TRAPPC9: variants seen among roughly 807,000 people sequenced by gnomAD.
The protein encoded by TRAPPC9 is IKK2 binding protein.
A neutral mutation model predicts 124.0 loss-of-function variants in TRAPPC9; 83 were observed. The observed-to-expected ratio is 0.67, with a 90% confidence interval of 0.56 to 0.80. The LOEUF is 0.80. Among genes scored for constraint, TRAPPC9 ranks in the 30% least tolerant of loss-of-function variants. The pLI, the probability that TRAPPC9 is intolerant of heterozygous loss-of-function variation, is 0.00. For synonymous variants in TRAPPC9, 638 were observed against 617.5 expected, an observed-to-expected ratio of 1.03 and a Z score of -0.49; for missense variants, 1,302 against 1,508.3, an observed-to-expected ratio of 0.86 and a Z score of 2.27.
intron 19 of TRAPPC9, among the ~76,000 whole-genome samples, chr8:139,925,820 C>G (rs546181117): frequency 1.1e-5 from 1 of 93,228 alleles, no homozygotes; most frequent in Admixed American, 9.7e-5. Context: ...CACACGCACA[C>G]GCACACGCAC....
chr8:139,745,952 C>T (rs535134760), intron 21 of TRAPPC9, among the ~76,000 whole-genome samples: 1 of 152,392 alleles, frequency 6.6e-6, no homozygotes, highest in Non-Finnish European at 1.5e-5. Flanking sequence ...CGAGAGGCAT[C>T]GTCCTGCTCA....
At chr8:139,922,633 T>G (rs1331179259) in intron 19 of TRAPPC9, among the ~76,000 whole-genome samples, 1 of 152,178 alleles carries the variant, frequency 6.6e-6, no homozygotes, top group Non-Finnish European at 1.5e-5. Context: ...TGGGGCAGCC[T>G]CCATAGGAGG....
intron 8 of TRAPPC9, among the ~76,000 whole-genome samples, chr8:140,369,829 G>A (rs1337397489): frequency 2.0e-5 from 3 of 152,122 alleles, no homozygotes; most frequent in Non-Finnish European, 1.5e-5. Flanking sequence ...GCACGTGCCT[G>A]TAATCCCAGC....
chr8:140,358,204 G>A (rs1458377716), intron 9 of TRAPPC9, among the ~76,000 whole-genome samples: 2 of 152,102 alleles, frequency 1.3e-5, no homozygotes, highest in Admixed American at 6.5e-5. Flanking sequence ...TGTATACTAG[G>A]TTTCTTTCTT....
intron 21 of TRAPPC9, among the ~76,000 whole-genome samples, chr8:139,876,851 G>C (rs1173091707): frequency 6.6e-6 from 1 of 152,152 alleles, no homozygotes; most frequent in Non-Finnish European, 1.5e-5. Context: ...TGTATCTGCT[G>C]TCCGCTATAC....
intron 21 of TRAPPC9, among the ~76,000 whole-genome samples, chr8:139,741,465 G>A (rs983594924): frequency 2.0e-5 from 3 of 152,140 alleles, no homozygotes; most frequent in Non-Finnish European, 1.5e-5. Context: ...CTGGGCTCTG[G>A]ACTTGGTCTG....
intron 9 of TRAPPC9, among the ~76,000 whole-genome samples, chr8:140,323,683 T>C (rs2066659687): frequency 6.6e-6 from 1 of 152,016 alleles, no homozygotes; most frequent in African/African-American, 2.4e-5. Flanking sequence ...AAAAAACACT[T>C]TGAGTGTGTT....
At position 140,418,743 on chromosome 8, in the gene TRAPPC9, T is replaced by C. The variant is rs551124993; in HGVS notation, c.886+7872A>G. Among the ~76,000 whole-genome samples the C allele has an allele frequency of 4.1e-5, 6 of 146,576 alleles. No individual in the cohort carries two copies. The South Asian group carries it at 6.8e-4, about 17-fold the overall frequency. ...TCAAAAAGATAGATAGATAGATAGA[T>C]AGATAGATAGATAGATAGATAGATA... On this transcript the variant is annotated intron_variant, in intron 5 of 22. Transcript: ENST00000438773.
At chr8:140,094,558 C>T (rs900337807) in intron 17 of TRAPPC9, among the ~76,000 whole-genome samples, 1 of 152,158 alleles carries the variant, frequency 6.6e-6, no homozygotes, top group Non-Finnish European at 1.5e-5. Context: ...ACCATGTAAC[C>T]CAACACAACT....
intron 2 of TRAPPC9, among the ~76,000 whole-genome samples, chr8:140,443,787 A>G (rs2071133933): frequency 6.6e-6 from 1 of 152,096 alleles, no homozygotes; most frequent in South Asian, 2.1e-4. Context: ...CTGTAATACC[A>G]GCATTCTGGG....
intron 21 of TRAPPC9, among the ~76,000 whole-genome samples, chr8:139,744,818 G>C (rs1818784240): frequency 6.6e-6 from 1 of 152,140 alleles, no homozygotes; most frequent in South Asian, 2.1e-4. Context: ...GGCTCTCTTG[G>C]GTAAATAATT....
At chr8:139,875,348 A>G (rs989128261) in intron 21 of TRAPPC9, among the ~76,000 whole-genome samples, 28 of 152,306 alleles carry the variant, frequency 1.8e-4, no homozygotes, top group Admixed American at 1.5e-3. Flanking sequence ...GGGACGCAGA[A>G]AGGAGACTGC....
intron 15 of TRAPPC9, among the ~76,000 whole-genome samples, chr8:140,264,385 C>T (rs1301590139): frequency 6.6e-6 from 1 of 152,178 alleles, no homozygotes; most frequent in African/African-American, 2.4e-5. Context: ...TCCCGGCTTC[C>T]TTCCATGTGT....
intron 17 of TRAPPC9, among the ~76,000 whole-genome samples, chr8:140,156,345 C>G (rs1285947853): frequency 1.3e-5 from 2 of 152,210 alleles, no homozygotes; most frequent in Non-Finnish European, 2.9e-5. Flanking sequence ...CTTAAAGCCT[C>G]AGTTTCTGCT....
intron 17 of TRAPPC9, among the ~76,000 whole-genome samples, chr8:140,081,230 C>T (rs895811467): frequency 2.0e-5 from 3 of 152,188 alleles, no homozygotes; most frequent in Admixed American, 2.0e-4. Flanking sequence ...GGCTGTTCAG[C>T]ACCCATCAGC....
intron 17 of TRAPPC9, among the ~76,000 whole-genome samples, chr8:140,151,504 C>T (rs534158336): frequency 1.4e-4 from 22 of 152,264 alleles, no homozygotes; most frequent in African/African-American, 3.9e-4. Context: ...GGCTTGCAGA[C>T]GGCATCTTCA....
intron 19 of TRAPPC9, among the ~76,000 whole-genome samples, chr8:139,925,982 T>C (rs1832796983): frequency 6.6e-6 from 1 of 152,234 alleles, no homozygotes; most frequent in Non-Finnish European, 1.5e-5. Context: ...CCCAATGGTG[T>C]GCTGCAGCTA....
intron 7 of TRAPPC9, among the ~76,000 whole-genome samples, chr8:140,396,665 T>C (rs986810612): frequency 1.3e-5 from 2 of 151,712 alleles, no homozygotes; most frequent in Admixed American, 1.3e-4. Context: ...GCATCACTCA[T>C]GCTGAGCCAT....
At chr8:140,388,309 A>T (rs1045333201) in intron 7 of TRAPPC9, among the ~76,000 whole-genome samples, 3 of 150,776 alleles carry the variant, frequency 2.0e-5, no homozygotes, top group Non-Finnish European at 4.4e-5. Context: ...GCACACCAAC[A>T]TGGCACATGT....
Sources: gnomAD v4.1 joint callset for allele counts (sites outside exome capture counted in the v4.1 genomes callset) on GRCh38, gnomAD v4.1.1 for gene constraint, MANE v1.5 for transcripts, NCBI Gene and HGNC (gene_info 2026-07-23, HGNC 2026-07-21) for gene names.